SCML2: variants seen among roughly 807,000 people sequenced by gnomAD.
SCML2 encodes the protein sex comb on midleg-like protein 2.
A neutral mutation model predicts 48.4 loss-of-function variants in SCML2; 6 were observed. That is an observed-to-expected ratio of 0.12 (90% CI 0.07 to 0.24). The LOEUF (loss-of-function observed/expected upper bound fraction) is 0.24. Ranked by LOEUF, SCML2 falls within the 10% of genes least tolerant of loss-of-function variation. The pLI is 1.00. For synonymous variants in SCML2, 181 were observed against 189.5 expected (o/e 0.95, Z 0.37); for missense variants, 377 against 528.2 (o/e 0.71, Z 2.81).
intron 7 of SCML2, among the ~76,000 whole-genome samples, chrX:18,299,750 T>TA (rs1319743179): frequency 2.8e-5 from 3 of 108,006 alleles, no homozygotes; most frequent in Admixed American, 9.9e-5. Context: ...TTTTTTTTTT[T>TA]AAATAGAGAC....
At chrX:18,324,145 A>T in intron 4 of SCML2, 52 bp from the exon 5 acceptor site, 1 of 773,403 alleles carries the variant, frequency 1.3e-6, no homozygotes, top group Non-Finnish European at 1.9e-6. Context: ...AAGAGAAGAC[A>T]CATGGACAGC....
intron 1 of SCML2, among the ~76,000 whole-genome samples, chrX:18,353,825 C>T (rs1468495219): frequency 3.5e-5 from 4 of 113,114 alleles, no homozygotes; most frequent in Non-Finnish European, 7.5e-5. Flanking sequence ...TCCGGCTCTT[C>T]ACACCTGGAT....
intron 11 of SCML2, among the ~76,000 whole-genome samples, chrX:18,250,546 A>G (rs763034272): frequency 4.6e-5 from 5 of 109,166 alleles, no homozygotes; most frequent in Non-Finnish European, 9.5e-5. Flanking sequence ...CACACCTGGC[A>G]ATTTTTTTTT....
intron 1 of SCML2, among the ~76,000 whole-genome samples, chrX:18,349,949 A>T (rs760586976): frequency 9.0e-6 from 1 of 111,281 alleles, no homozygotes; most frequent in Non-Finnish European, 1.9e-5. Flanking sequence ...AGCTTCTAAA[A>T]TTTTTTCAAG....
chrX:18,294,417 C>T (rs370543880), intron 7 of SCML2, among the ~76,000 whole-genome samples: 30 of 110,845 alleles, frequency 2.7e-4, no homozygotes, highest in Admixed American at 1.3e-3. Context: ...GTCAATATTC[C>T]CACCATGGAC....
intron 14 of SCML2, 58 bp from the exon 15 acceptor site, chrX:18,241,437 C>T: frequency 1.1e-6 from 1 of 896,897 alleles, no homozygotes; most frequent in African/African-American, 2.0e-5. Context: ...ATTATTTATA[C>T]ATAAGAACAT....
At chrX:18,262,952 G>A (rs1927126243) in intron 8 of SCML2, among the ~76,000 whole-genome samples, 1 of 109,628 alleles carries the variant, frequency 9.1e-6, no homozygotes, top group African/African-American at 3.5e-5. Flanking sequence ...CTGGGTTCAA[G>A]TGATCTTTCT....
rs138625443 is a variant in SCML2 at position 18,330,022 on chromosome X, G to A, written c.91+565C>T. ...GAACCCGGAAGGTGGAGGTTGCAGTGAGCCAAGATCACACCACTGCACTCC... is the reference window on the plus strand; with the variant it reads ...GAACCCGGAAGGTGGAGGTTGCAGTAAGCCAAGATCACACCACTGCACTCC... On this transcript the variant is annotated intron_variant, in intron 3 of 14. Coordinates refer to ENST00000251900, the MANE Select transcript of SCML2 (RefSeq NM_006089.3). Among the ~76,000 whole-genome samples, 180 of 112,133 alleles carry A rather than the reference G, an allele frequency of 1.6e-3. 5 individuals carry two copies. In the East Asian group the frequency reaches 0.045, roughly 28 times the overall value.
intron 7 of SCML2, among the ~76,000 whole-genome samples, chrX:18,287,829 ATGTT>A (rs1928107187): frequency 9.0e-6 from 1 of 111,440 alleles, no homozygotes; most frequent in Non-Finnish European, 1.9e-5. Flanking sequence ...TTTTTAAAAC[ATGTT>A]TGTTTTCTAC....
chrX:18,249,442 C>T (rs749057370), intron 11 of SCML2, among the ~76,000 whole-genome samples: 4 of 111,191 alleles, frequency 3.6e-5, no homozygotes, highest in African/African-American at 6.5e-5. Context: ...AGACCAGTCT[C>T]GAAGCTCACT....
chrX:18,354,523 G>T, intron 1 of SCML2, 69 bp downstream of exon 1: 1 of 235,506 alleles, frequency 4.2e-6, no homozygotes, highest in African/African-American at 2.9e-5. Context: ...CCCGCCCACG[G>T]ACAACGGTCG....
chrX:18,263,812 GT>G (rs770262640), intron 8 of SCML2, among the ~76,000 whole-genome samples: 89 of 94,030 alleles, frequency 9.5e-4, no homozygotes, highest in African/African-American at 1.4e-3. Flanking sequence ...CAGGTTGATA[GT>G]TTTTTTTTTT....
chrX:18,324,769 A>G (rs1293853126), intron 4 of SCML2, 138 bp downstream of exon 4: 1 of 447,010 alleles, frequency 2.2e-6, no homozygotes, highest in African/African-American at 2.5e-5. Context: ...TAATGAATGC[A>G]AAGAGACCAT....
At position 18,306,865 on chromosome X, in the gene SCML2, C is replaced by T. The variant is rs563930890; in HGVS notation, c.487-1650G>A. ...TTTATTTTTATAGAGATGAGGGCCT[C>T]GCTATGTTGGCCGGGCTGGTCTCGA... On this transcript the variant is annotated intron_variant, in intron 6 of 14. Transcript: ENST00000251900. 7.2e-5 allele frequency among the ~76,000 whole-genome samples: 8 copies of T among 110,636 alleles called. No homozygotes were observed. In the South Asian group the frequency reaches 2.7e-3, roughly 38 times the overall value.
chrX:18,349,803 A>C (rs769315671), intron 1 of SCML2, among the ~76,000 whole-genome samples: 1 of 112,230 alleles, frequency 8.9e-6, no homozygotes, highest in South Asian at 3.7e-4. Context: ...TCTCAAAAAA[A>C]AACAAACAAA....
chrX:18,299,992 G>A (rs185770997), intron 7 of SCML2, among the ~76,000 whole-genome samples: 52 of 110,600 alleles, frequency 4.7e-4, no homozygotes, highest in African/African-American at 1.4e-3. Context: ...CTCCCACCTC[G>A]GCCTCCCAAA....
At chrX:18,279,798 C>T (rs1927766587) in intron 7 of SCML2, among the ~76,000 whole-genome samples, 1 of 111,771 alleles carries the variant, frequency 8.9e-6, no homozygotes, top group Non-Finnish European at 1.9e-5. Context: ...TTTGAATCAA[C>T]TCAGTCAGGC....
In SCML2 at chrX:18,240,464, A is replaced by G; in HGVS notation, c.*787T>C. ...ATGTCCAAGCGTAGTGAAAATATGG[A>G]AAGTTTTAAAATAATAGGAATTTCA... On this transcript the variant is annotated 3_prime_UTR_variant, in exon 15 of 15. Coordinates refer to ENST00000251900, the MANE Select transcript of SCML2 (RefSeq NM_006089.3). 1 of 111,991 alleles carries G rather than the reference A, an allele frequency of 8.9e-6. No individual in the cohort carries two copies. Among genetic ancestry groups the G allele is most frequent in the Non-Finnish European group, 1.9e-5 (1 of 53,209 alleles). 9.2% of individuals were successfully genotyped at this position (111,991 alleles called of 1,213,427 possible).
At chrX:18,327,199 G>A (rs1929507322) in intron 3 of SCML2, among the ~76,000 whole-genome samples, 1 of 108,905 alleles carries the variant, frequency 9.2e-6, no homozygotes, top group Admixed American at 9.9e-5. Flanking sequence ...GCGAAACCCC[G>A]TTTCTACTAA....
Sources: allele counts gnomAD v4.1 joint callset (sites outside exome capture counted in the v4.1 genomes callset), GRCh38; gene constraint gnomAD v4.1.1; transcripts MANE v1.5; gene names NCBI Gene and HGNC (gene_info 2026-07-23, HGNC 2026-07-21).